PSMB7: variants seen among roughly 807,000 people sequenced by gnomAD.
PSMB7 encodes the protein proteasome subunit beta type-7.
Under a neutral mutation model 28.1 loss-of-function variants are expected in PSMB7, and 5 were observed. The ratio of observed to expected loss-of-function variants is 0.18; its 90% confidence interval spans 0.09 to 0.37. The LOEUF is 0.37. Among genes scored for constraint, PSMB7 ranks in the 10% least tolerant of loss-of-function variants. PSMB7 has a pLI of 1.00. For missense variants in PSMB7, 275 were observed against 346.2 expected (o/e 0.79, Z 1.63); for synonymous variants, 122 against 123.7 (o/e 0.99, Z 0.09).
chr9:124,398,809 T>C (rs1251408427), intron 5 of PSMB7, among the ~76,000 whole-genome samples: 1 of 152,156 alleles, frequency 6.6e-6, no homozygotes, highest in Non-Finnish European at 1.5e-5. Context: ...AAATCCCAGC[T>C]TTGTCACTTA....
chr9:124,356,164 G>A lies in PSMB7; in HGVS notation c.722+600C>T, dbSNP rs73586237. 1.3e-5 allele frequency among the ~76,000 whole-genome samples: 2 copies of A among 152,172 alleles called. No homozygotes were observed. The highest frequency in any genetic ancestry group is 2.1e-4 in the South Asian group (1 of 4,834). ...CAAACGAGCTGCTCCTCTGACACAT[G>A]CTAGCCACCAGGTTTGGAAACCTCC... On this transcript the variant is annotated intron_variant, in intron 7 of 7. Coordinates refer to ENST00000259457, the MANE Select transcript of PSMB7 (RefSeq NM_002799.4). The surrounding 1 kb of genome is among the most constrained non-coding windows in gnomAD (Gnocchi z 4.4).
intron 6 of PSMB7, among the ~76,000 whole-genome samples, chr9:124,366,490 G>A (rs980837984): frequency 2.0e-5 from 3 of 152,206 alleles, no homozygotes; most frequent in Admixed American, 6.5e-5. Context: ...TAAGTTAAGC[G>A]TTATAAGGGT....
chr9:124,414,611 T>TAAA (rs11418169), intron 2 of PSMB7, among the ~76,000 whole-genome samples: 4 of 141,062 alleles, frequency 2.8e-5, no homozygotes, highest in African/African-American at 7.8e-5. Context: ...CTGACCTGTT[T>TAAA]AAAAAAAAAA....
chr9:124,363,449 G>A (rs760922985), intron 6 of PSMB7, among the ~76,000 whole-genome samples: 5 of 152,242 alleles, frequency 3.3e-5, no homozygotes, highest in Admixed American at 2.6e-4. Context: ...CAGACTTGAC[G>A]TATCCCATGT....
At chr9:124,396,735 A>C (rs1048607300) in intron 5 of PSMB7, 1 of 458,468 alleles carries the variant, frequency 2.2e-6, no homozygotes, top group Non-Finnish European at 4.5e-6. Context: ...AGGCAAAAAC[A>C]AAAATTTTAT....
chr9:124,393,299 C>T (rs1430285958), intron 5 of PSMB7, among the ~76,000 whole-genome samples: 1 of 152,166 alleles, frequency 6.6e-6, no homozygotes, highest in Non-Finnish European at 1.5e-5. Context: ...AAAAGCTTCC[C>T]GGCGAGGCAA....
At chr9:124,372,208 C>T (rs1036314859) in intron 6 of PSMB7, among the ~76,000 whole-genome samples, 1 of 152,232 alleles carries the variant, frequency 6.6e-6, no homozygotes, top group Non-Finnish European at 1.5e-5. Context: ...TCTCTCAGTA[C>T]TGCCTCTGCA....
At chr9:124,387,963 T>C (rs1830743370) in intron 5 of PSMB7, among the ~76,000 whole-genome samples, 1 of 151,908 alleles carries the variant, frequency 6.6e-6, no homozygotes, top group African/African-American at 2.4e-5. Flanking sequence ...TCCTAGATAC[T>C]GGTCCAACAT....
At chr9:124,407,539 G>C (rs1465817244) in intron 4 of PSMB7, among the ~76,000 whole-genome samples, 4 of 152,172 alleles carry the variant, frequency 2.6e-5, no homozygotes, top group Non-Finnish European at 5.9e-5. Flanking sequence ...ACTGTCTACT[G>C]AACAGGGTGT....
chr9:124,411,343 A>G (rs1358638302), intron 4 of PSMB7, among the ~76,000 whole-genome samples: 1 of 152,234 alleles, frequency 6.6e-6, no homozygotes, highest in Non-Finnish European at 1.5e-5. Flanking sequence ...AAAAAAGGCC[A>G]TATGACCCAA....
At chr9:124,412,302 TAA>T in intron 4 of PSMB7, 48 bp downstream of exon 4, 1 of 1,552,924 alleles carries the variant, frequency 6.4e-7, no homozygotes, top group Non-Finnish European at 8.8e-7. Flanking sequence ...GAAAAAAATC[TAA>T]GATATGAGAA....
chr9:124,399,009 C>CAAAAAA (rs34386702), intron 5 of PSMB7, among the ~76,000 whole-genome samples: 6 of 129,300 alleles, frequency 4.6e-5, no homozygotes, highest in Non-Finnish European at 3.3e-5. Context: ...AAGCTTTAAC[C>CAAAAAA]AAAAAAAAAA....
chr9:124,411,298 C>T (rs967730491), intron 4 of PSMB7, among the ~76,000 whole-genome samples: 1 of 152,130 alleles, frequency 6.6e-6, no homozygotes, highest in Non-Finnish European at 1.5e-5. Flanking sequence ...ATTCAAATCT[C>T]CCCATTTACA....
intron 5 of PSMB7, among the ~76,000 whole-genome samples, chr9:124,397,986 G>A (rs961598844): frequency 2.6e-5 from 4 of 152,068 alleles, no homozygotes; most frequent in Admixed American, 6.5e-5. Context: ...TGGCCAACAC[G>A]GTGAAACCCC....
At chr9:124,392,609 G>A (rs1235443162) in intron 5 of PSMB7, among the ~76,000 whole-genome samples, 2 of 152,162 alleles carry the variant, frequency 1.3e-5, no homozygotes, top group African/African-American at 4.8e-5. Context: ...AGAAAAGCTG[G>A]CTGATGAAAT....
chr9:124,377,918 GA>G (rs887874463), intron 6 of PSMB7, among the ~76,000 whole-genome samples: 5 of 152,008 alleles, frequency 3.3e-5, no homozygotes, highest in African/African-American at 7.2e-5. Context: ...AAGACTAGGG[GA>G]AAAAAAAGAT....
At chr9:124,358,929 G>C (rs1306616370) in intron 6 of PSMB7, among the ~76,000 whole-genome samples, 4 of 152,198 alleles carry the variant, frequency 2.6e-5, no homozygotes, top group Non-Finnish European at 4.4e-5. Flanking sequence ...GTGAAGACTT[G>C]GGGAAACGGA....
chr9:124,414,771 CACCGG>C, intron 2 of PSMB7, 66 bp downstream of exon 2: 1 of 1,309,796 alleles, frequency 7.6e-7, no homozygotes, highest in Non-Finnish European at 1.1e-6. Flanking sequence ...CCGGGAGAGA[CACCGG>C]AAGCCAAGTG....
chr9:124,360,991 C>T (rs1830461223), intron 6 of PSMB7, among the ~76,000 whole-genome samples: 1 of 152,136 alleles, frequency 6.6e-6, no homozygotes, highest in African/African-American at 2.4e-5. Context: ...CTGCCTATAC[C>T]AAACCCCAGG....
Sources: gnomAD v4.1 joint callset for allele counts (sites outside exome capture counted in the v4.1 genomes callset) on GRCh38, gnomAD v4.1.1 for gene constraint, Gnocchi (gnomAD v3.1) non-coding constraint, MANE v1.5 for transcripts, NCBI Gene and HGNC (gene_info 2026-07-23, HGNC 2026-07-21) for gene names.